SMAP1: variants seen among roughly 807,000 people sequenced by gnomAD.
SMAP1 encodes the protein stromal membrane-associated protein 1.
In SMAP1, 24 loss-of-function variants were observed where a neutral mutation model predicts 58.5. That is an observed-to-expected ratio of 0.41 (90% CI 0.30 to 0.58). The LOEUF (loss-of-function observed/expected upper bound fraction) is 0.58. Ranked by LOEUF, SMAP1 falls within the 20% of genes least tolerant of loss-of-function variation. The probability of loss-of-function intolerance (pLI) is 0.29; values close to 1 mark genes in which losing one functional copy is unlikely to be tolerated. For missense variants in SMAP1, 563 were observed against 566.3 expected (o/e 0.99, Z 0.06); for synonymous variants, 216 against 196.6 (o/e 1.10, Z -0.82).
chr6:70,847,504 A>G (rs1286586171), intron 7 of SMAP1, among the ~76,000 whole-genome samples: 2 of 152,202 alleles, frequency 1.3e-5, no homozygotes, highest in African/African-American at 2.4e-5. Context: ...ACTTACCACA[A>G]GCTACTTAAC....
At chr6:70,773,142 C>G (rs1338977463) in intron 3 of SMAP1, 2 of 413,300 alleles carry the variant, frequency 4.8e-6, no homozygotes. Flanking sequence ...GAGTTTTGTT[C>G]AGTGAGAAAA....
chr6:70,710,278 G>A (rs2149836936), intron 1 of SMAP1, among the ~76,000 whole-genome samples: 1 of 152,178 alleles, frequency 6.6e-6, no homozygotes, highest in South Asian at 2.1e-4. Context: ...GGATCATGAG[G>A]TCAAGAGATA....
At chr6:70,834,112 C>T (rs764395424) in intron 6 of SMAP1, among the ~76,000 whole-genome samples, 10 of 152,178 alleles carry the variant, frequency 6.6e-5, no homozygotes, top group Non-Finnish European at 1.0e-4. Flanking sequence ...AGGACCTCTG[C>T]ATTGCTCAAT....
intron 4 of SMAP1, among the ~76,000 whole-genome samples, chr6:70,787,581 A>G (rs1265280869): frequency 1.3e-5 from 2 of 152,238 alleles, no homozygotes; most frequent in African/African-American, 2.4e-5. Flanking sequence ...AGAATCTACA[A>G]TGAACTCAGA....
chr6:70,726,110 T>C (rs896959869), intron 1 of SMAP1, among the ~76,000 whole-genome samples: 2 of 152,186 alleles, frequency 1.3e-5, no homozygotes, highest in African/African-American at 4.8e-5. Flanking sequence ...CCTAAATTTC[T>C]CAATCTTTAA....
intron 6 of SMAP1, among the ~76,000 whole-genome samples, chr6:70,823,089 C>T (rs2149983463): frequency 6.6e-6 from 1 of 152,284 alleles, no homozygotes; most frequent in East Asian, 1.9e-4. Context: ...GCTTTAAATT[C>T]ATGGTCTGAT....
At chr6:70,716,928 G>C (rs1768291605) in intron 1 of SMAP1, among the ~76,000 whole-genome samples, 1 of 152,062 alleles carries the variant, frequency 6.6e-6, no homozygotes, top group Non-Finnish European at 1.5e-5. Flanking sequence ...CCTCACTCTT[G>C]GTTTGGCTTC....
At position 70,838,922 on chromosome 6, in the gene SMAP1, A is replaced by G. The variant is rs75608608; in HGVS notation, c.664+1894A>G. Reference sequence around the variant, plus strand: ...AAGGTGGACAGGAAAGGGTTTTTTTAAGGATGACATTACAAGATGTTTAGT... The same window carrying G: ...AAGGTGGACAGGAAAGGGTTTTTTTGAGGATGACATTACAAGATGTTTAGT... On this transcript the variant is annotated intron_variant, in intron 7 of 10. Coordinates refer to ENST00000370455, the MANE Select transcript of SMAP1 (RefSeq NM_001044305.3). Among the ~76,000 whole-genome samples the G allele has an allele frequency of 7.3e-4, 111 of 152,256 alleles. 2 individuals carry two copies. In the East Asian group the frequency reaches 0.019, roughly 25 times the overall value.
intron 2 of SMAP1, among the ~76,000 whole-genome samples, chr6:70,744,377 GGTGATCTCATT>G (rs1765938526): frequency 6.6e-6 from 1 of 151,728 alleles, no homozygotes. Context: ...ACTGTGTCCA[GGTGATCTCATT>G]GTTCAATTCC....
chr6:70,846,989 G>T (rs1445520346), intron 7 of SMAP1, among the ~76,000 whole-genome samples: 1 of 152,112 alleles, frequency 6.6e-6, no homozygotes, highest in African/African-American at 2.4e-5. Context: ...ATAAATATTA[G>T]TGGTTAAACT....
Position 70,791,720 on chromosome 6 carries a change from T to G in SMAP1, c.446T>G (p.Leu149Trp). The change falls in exon 5 of 11, where the codon TTG (leucine) becomes TGG (tryptophan). Residue 149 changes from leucine to tryptophan, a missense_variant. Physicochemically the swap from Leu to Trp is moderately conservative, Grantham distance 61. Coordinates refer to ENST00000370455, the MANE Select transcript of SMAP1 (RefSeq NM_001044305.3). ...TCCTCTGATGCTCCTCTTCAGCCTT[T>G]GGTATCCTCTCCTTCTCTGCAAGCT... is the stretch of plus-strand genomic sequence containing the variant. Reference protein sequence around the residue: ...ISSSDAPLQPLVSSPSLQAAV... With the variant: ...ISSSDAPLQPWVSSPSLQAAV... 6 of 1,613,622 alleles carry G rather than the reference T, an allele frequency of 3.7e-6. No homozygotes were observed. The highest frequency in any genetic ancestry group is 5.1e-6 in the Non-Finnish European group (6 of 1,179,808).
intron 3 of SMAP1, among the ~76,000 whole-genome samples, chr6:70,772,526 T>G (rs1420291012): frequency 6.6e-6 from 1 of 152,172 alleles, no homozygotes; most frequent in African/African-American, 2.4e-5. Flanking sequence ...GAGGAGCTCA[T>G]GTCACTAAAG....
intron 1 of SMAP1, among the ~76,000 whole-genome samples, chr6:70,730,765 TAAAAC>T (rs1036080984): frequency 1.2e-4 from 19 of 152,204 alleles, no homozygotes; most frequent in African/African-American, 3.9e-4. Context: ...AGCATGTACT[TAAAAC>T]AGAAGGCTAT....
chr6:70,788,085 T>A (rs1768149254), intron 4 of SMAP1, among the ~76,000 whole-genome samples: 1 of 151,622 alleles, frequency 6.6e-6, no homozygotes, highest in Non-Finnish European at 1.5e-5. Flanking sequence ...ATTAAGAAAA[T>A]GTGGCGCATA....
chr6:70,773,320 C>A, intron 3 of SMAP1, 30 bp from the exon 4 acceptor site: 1 of 1,397,614 alleles, frequency 7.2e-7, no homozygotes, highest in Non-Finnish European at 1.0e-6. Context: ...TCACTGAATT[C>A]ATGCTTTTCC....
intron 1 of SMAP1, among the ~76,000 whole-genome samples, chr6:70,718,597 G>A (rs1028897110): frequency 1.3e-5 from 2 of 152,186 alleles, no homozygotes; most frequent in Admixed American, 1.3e-4. Flanking sequence ...CAAGGCGGGT[G>A]AATCACAAGG....
intron 6 of SMAP1, among the ~76,000 whole-genome samples, chr6:70,822,674 G>A (rs1410668467): frequency 6.6e-6 from 1 of 152,126 alleles, no homozygotes; most frequent in Non-Finnish European, 1.5e-5. Flanking sequence ...CTTCCTGGAT[G>A]TGTGGTTTTG....
intron 2 of SMAP1, among the ~76,000 whole-genome samples, chr6:70,737,977 C>G (rs1765678751): frequency 6.6e-6 from 1 of 152,090 alleles, no homozygotes; most frequent in African/African-American, 2.4e-5. Context: ...TATGCAGGTA[C>G]TAGAAAGGCA....
At chr6:70,787,017 G>A (rs1039372706) in intron 4 of SMAP1, among the ~76,000 whole-genome samples, 1 of 152,112 alleles carries the variant, frequency 6.6e-6, no homozygotes, top group African/African-American at 2.4e-5. Flanking sequence ...AAAGAACAAA[G>A]CTGGAGGCAT....
Sources: gnomAD v4.1 joint callset for allele counts (sites outside exome capture counted in the v4.1 genomes callset) on GRCh38, gnomAD v4.1.1 for gene constraint, MANE v1.5 for transcripts, NCBI Gene and HGNC (gene_info 2026-07-23, HGNC 2026-07-21) for gene names.